The following FAM168A variants were observed in gnomAD, a reference collection of about 807,000 sequenced individuals.
FAM168A encodes the protein protein FAM168A.
Under a neutral mutation model 28.5 loss-of-function variants are expected in FAM168A, and 3 were observed. The ratio of observed to expected loss-of-function variants is 0.11; its 90% CI spans 0.05 to 0.27. The LOEUF is 0.27. Among genes scored for constraint, FAM168A ranks in the 10% least tolerant of loss-of-function variants. FAM168A has a pLI of 1.00. For missense variants in FAM168A, 222 were observed against 311.5 expected (o/e 0.71, Z 2.16); for synonymous variants, 122 against 124.2 (o/e 0.98, Z 0.12).
At chr11:73,538,851 C>A (rs188542961) in intron 1 of FAM168A, among the ~76,000 whole-genome samples, 3 of 152,312 alleles carry the variant, frequency 2.0e-5, no homozygotes, top group Non-Finnish European at 4.4e-5. Flanking sequence ...AAGACTCAGA[C>A]TAGCTCTAGC....
At chr11:73,581,706 T>C (rs992071366) in intron 1 of FAM168A, among the ~76,000 whole-genome samples, 2 of 152,088 alleles carry the variant, frequency 1.3e-5, no homozygotes, top group African/African-American at 4.8e-5. Flanking sequence ...TCTATAACAT[T>C]GAACTGTAAC....
In FAM168A at chr11:73,598,101, G is replaced by C. The variant is rs1029264632; in HGVS notation, c.-197C>G. On this transcript the variant is annotated 5_prime_UTR_variant, in exon 1 of 8. Coordinates refer to ENST00000356467, the MANE Select transcript of FAM168A (RefSeq NM_015159.3). ...CTCTGAATCCTCTGCAGTAGCCGCC[G>C]AGGAGCCCGACGGGTGGGGGGAGGG... 2.0e-5 allele frequency: 3 copies of C among 152,418 alleles called. No homozygotes were observed. The highest frequency in any genetic ancestry group is 7.2e-5 in the African/African-American group (3 of 41,416). 9.4% of individuals were successfully genotyped at this position (152,418 alleles called of 1,614,324 possible). A position where few individuals can be genotyped will look rare whatever the true frequency, so the allele number is the denominator to read the frequency against.
intron 1 of FAM168A, among the ~76,000 whole-genome samples, chr11:73,550,796 G>A (rs1943818575): frequency 6.6e-6 from 1 of 151,734 alleles, no homozygotes; most frequent in South Asian, 2.1e-4. Flanking sequence ...CAATTTGGCT[G>A]GAACAACATA....
chr11:73,577,827 A>T (rs150147427), intron 1 of FAM168A, among the ~76,000 whole-genome samples: 16 of 152,284 alleles, frequency 1.1e-4, no homozygotes, highest in African/African-American at 3.8e-4. Flanking sequence ...TTTGAAGAAC[A>T]TCTGTTCATA....
At chr11:73,524,345 T>C (rs184692465) in intron 1 of FAM168A, among the ~76,000 whole-genome samples, 3 of 152,140 alleles carry the variant, frequency 2.0e-5, no homozygotes, top group Admixed American at 2.0e-4. Flanking sequence ...GATGATTTCT[T>C]TCACTTCATA....
At chr11:73,428,114 G>A (rs188681300) in intron 3 of FAM168A, among the ~76,000 whole-genome samples, 6 of 152,058 alleles carry the variant, frequency 3.9e-5, no homozygotes, top group African/African-American at 1.4e-4. Context: ...GCCCTCCTGC[G>A]TGAGGCACCC....
intron 2 of FAM168A, among the ~76,000 whole-genome samples, chr11:73,433,827 C>T (rs963202063): frequency 7.0e-6 from 1 of 142,702 alleles, no homozygotes; most frequent in Non-Finnish European, 1.5e-5. Flanking sequence ...ATCTCTAGGT[C>T]AAAGGGTAGG....
chr11:73,426,294 C>T (rs758565298), intron 3 of FAM168A, among the ~76,000 whole-genome samples: 5 of 152,110 alleles, frequency 3.3e-5, no homozygotes, highest in African/African-American at 1.2e-4. Context: ...AAATAAGATC[C>T]CTGAAATCAT....
At chr11:73,536,513 C>T (rs568106634) in intron 1 of FAM168A, among the ~76,000 whole-genome samples, 92 of 152,190 alleles carry the variant, frequency 6.0e-4, no homozygotes, top group African/African-American at 2.1e-3. Flanking sequence ...CATGGAGAAA[C>T]CCCATCTCTA....
intron 2 of FAM168A, among the ~76,000 whole-genome samples, chr11:73,455,367 A>G (rs1337469203): frequency 3.3e-5 from 5 of 152,212 alleles, no homozygotes; most frequent in Non-Finnish European, 5.9e-5. Context: ...GGACTGAGTA[A>G]ATGAGGCACC....
chr11:73,459,039 A>T (rs1197943868), intron 2 of FAM168A, among the ~76,000 whole-genome samples: 2 of 152,082 alleles, frequency 1.3e-5, no homozygotes, highest in African/African-American at 4.8e-5. Context: ...CTTTGTTCTC[A>T]CATGCTTCAG....
intron 1 of FAM168A, among the ~76,000 whole-genome samples, chr11:73,576,095 G>A (rs7945825): frequency 6.6e-6 from 1 of 152,076 alleles, no homozygotes; most frequent in Admixed American, 6.6e-5. Flanking sequence ...TTTGGTATTA[G>A]ATAATTTTTT....
At position 73,529,796 on chromosome 11, in the gene FAM168A, C is replaced by CTTTTT. The variant is rs772530179; in HGVS notation, c.-18-61309_-18-61305dup. Among the ~76,000 whole-genome samples the CTTTTT allele has an allele frequency of 4.9e-4, 62 of 127,510 alleles. 2 individuals carry two copies. Among genetic ancestry groups the CTTTTT allele is most frequent in the African/African-American group, 2.1e-3 (61 of 29,682 alleles). 83.7% of individuals were successfully genotyped at this position (127,510 alleles called of 152,430 possible). On this transcript the variant is annotated intron_variant, in intron 1 of 7. Transcript: ENST00000356467. ...TCCTTCATTCAAACAACTTTTTCTT[C>CTTTTT]TTTTTTTTTTTTTTTTGGAGACGCA...
intron 3 of FAM168A, among the ~76,000 whole-genome samples, chr11:73,423,237 A>G (rs972394783): frequency 3.3e-5 from 5 of 152,148 alleles, no homozygotes; most frequent in Non-Finnish European, 7.3e-5. Flanking sequence ...TGAAGCTCTC[A>G]TCGTCTCTCA....
intron 1 of FAM168A, among the ~76,000 whole-genome samples, chr11:73,470,367 G>T (rs1197890469): frequency 6.6e-6 from 1 of 152,118 alleles, no homozygotes; most frequent in Non-Finnish European, 1.5e-5. Context: ...TTCTCTGCGT[G>T]GTACATCAGG....
Position 73,515,227 on chromosome 11 carries a change from C to T in FAM168A, c.-18-46735G>A, listed in dbSNP as rs565516504. Among the ~76,000 whole-genome samples the T allele has an allele frequency of 7.2e-5, 11 of 152,114 alleles. No homozygotes were observed. The South Asian group carries it at 1.0e-3, about 14-fold the overall frequency. On this transcript the variant is annotated intron_variant, in intron 1 of 7. Coordinates refer to ENST00000356467, the MANE Select transcript of FAM168A (RefSeq NM_015159.3). ...CATAAGTTCTTATAAACCAATGAAACGGCCAGGCACAGTGGCTCACGCCTG... is the reference window on the plus strand; with the variant it reads ...CATAAGTTCTTATAAACCAATGAAATGGCCAGGCACAGTGGCTCACGCCTG...
At chr11:73,486,797 CA>C (rs1868059021) in intron 1 of FAM168A, among the ~76,000 whole-genome samples, 1 of 152,282 alleles carries the variant, frequency 6.6e-6, no homozygotes, top group African/African-American at 2.4e-5. Context: ...ATAGAAAAGA[CA>C]ATGTGGTATC....
intron 3 of FAM168A, among the ~76,000 whole-genome samples, chr11:73,427,458 C>T (rs1259711161): frequency 6.6e-6 from 1 of 152,082 alleles, no homozygotes; most frequent in East Asian, 1.9e-4. Flanking sequence ...CACTCCTTTC[C>T]CTCTTTAGCC....
chr11:73,546,639 G>A (rs1943757008), intron 1 of FAM168A, among the ~76,000 whole-genome samples: 1 of 151,974 alleles, frequency 6.6e-6, no homozygotes, highest in South Asian at 2.1e-4. Flanking sequence ...GGCTGAGGCA[G>A]GAGAATTGCT....
Sources: gnomAD v4.1 joint callset for allele counts (sites outside exome capture counted in the v4.1 genomes callset) on GRCh38, gnomAD v4.1.1 for gene constraint, MANE v1.5 for transcripts, NCBI Gene and HGNC (gene_info 2026-07-23, HGNC 2026-07-21) for gene names.